TRPM1: variants seen among roughly 807,000 people sequenced by gnomAD.
The protein encoded by TRPM1 is transient receptor potential cation channel subfamily M member 1.
Under a neutral mutation model 149.4 loss-of-function variants are expected in TRPM1, and 113 were observed. The observed-to-expected ratio is 0.76, with a 90% confidence interval of 0.65 to 0.88. TRPM1 has a LOEUF of 0.88. TRPM1 is among the 40% of genes least tolerant of loss of function. The pLI is 0.00. For missense variants in TRPM1, 1,976 were observed against 2,038.7 expected (o/e 0.97, Z 0.59); for synonymous variants, 741 against 759.5 (o/e 0.98, Z 0.40).
Position 31,047,901 on chromosome 15 carries a change from C to T in TRPM1, c.1611G>A (p.Arg537=). 1.9e-6 allele frequency: 3 copies of T among 1,613,550 alleles called. No homozygotes were observed. Among genetic ancestry groups the T allele is most frequent in the Non-Finnish European group, 2.5e-6 (3 of 1,179,452 alleles). ...ACAGTAGACTGACCTTTTTCACATC[C>T]CTCACCAGCAGATGAAGTGTGTTTG... ...GPPNTLHLLV[R]DVKKSNLPPD... Residue 537 remains arginine, a synonymous_variant, in exon 14 of 28, where the codon AGG becomes AGA. Coordinates refer to ENST00000256552, the MANE Select transcript of TRPM1 (RefSeq NM_001252024.2).
chr15:31,041,397 A>T (rs962789156), intron 17 of TRPM1, among the ~76,000 whole-genome samples: 1 of 152,040 alleles, frequency 6.6e-6, no homozygotes, highest in Non-Finnish European at 1.5e-5. Flanking sequence ...TGATCCGCCC[A>T]CCTCGGCCTC....
At chr15:31,084,076 CCTT>C (rs1181996583) in intron 1 of TRPM1, among the ~76,000 whole-genome samples, 1 of 152,178 alleles carries the variant, frequency 6.6e-6, no homozygotes, top group Non-Finnish European at 1.5e-5. Flanking sequence ...GGGTTTCTAG[CCTT>C]CTTCTCTCCC....
intron 1 of TRPM1, among the ~76,000 whole-genome samples, chr15:31,110,006 AAAACCTTCCTTTTCAAAGTCT>A (rs1465401548): frequency 1.1e-4 from 16 of 152,346 alleles, no homozygotes; most frequent in African/African-American, 3.8e-4. Flanking sequence ...CTCTGATCCA[AAAACCTTCCTTTTCAAAGTCT>A]TATTTGAAGT....
intron 3 of TRPM1, among the ~76,000 whole-genome samples, chr15:31,071,595 C>T (rs2034540867): frequency 6.6e-6 from 1 of 151,804 alleles, no homozygotes; most frequent in Non-Finnish European, 1.5e-5. Context: ...CTCCCTCACT[C>T]CCTCCCTCTT....
At chr15:31,016,990 A>ACAC (rs1566990393) in intron 27 of TRPM1, among the ~76,000 whole-genome samples, 133 of 103,674 alleles carry the variant, frequency 1.3e-3, no homozygotes, top group Middle Eastern at 5.1e-3. Context: ...CACACACACA[A>ACAC]AAAAAAAACT....
intron 27 of TRPM1, among the ~76,000 whole-genome samples, chr15:31,009,547 T>C (rs550037975): frequency 1.3e-5 from 2 of 152,318 alleles, no homozygotes; most frequent in African/African-American, 4.8e-5. Flanking sequence ...TAGTCCTATT[T>C]AGCATTCTCT....
intron 1 of TRPM1, among the ~76,000 whole-genome samples, chr15:31,088,139 A>G (rs2140993232): frequency 6.6e-6 from 1 of 152,302 alleles, no homozygotes; most frequent in South Asian, 2.1e-4. Context: ...AAATGCACCA[A>G]TCAGCACTCT....
chr15:31,109,674 T>C (rs2035658193), intron 1 of TRPM1, among the ~76,000 whole-genome samples: 1 of 146,522 alleles, frequency 6.8e-6, no homozygotes, highest in Non-Finnish European at 1.5e-5. Flanking sequence ...CACTCCAGCC[T>C]GGGCAACAGA....
At chr15:31,034,835 G>A (rs1197363009) in intron 21 of TRPM1, among the ~76,000 whole-genome samples, 1 of 152,212 alleles carries the variant, frequency 6.6e-6, no homozygotes, top group African/African-American at 2.4e-5. Flanking sequence ...ATTTGCTGAT[G>A]CTTTCCTATG....
intron 1 of TRPM1, among the ~76,000 whole-genome samples, chr15:31,119,388 AC>A (rs1234118728): frequency 6.6e-6 from 1 of 152,140 alleles, no homozygotes; most frequent in Non-Finnish European, 1.5e-5. Context: ...CAAACCAACA[AC>A]CTAGATTCTG....
At position 31,038,053 on chromosome 15, in the gene TRPM1, C is replaced by G; in HGVS notation, c.2430G>C (p.Glu810Asp). The change falls in exon 19 of 28, where the codon GAG becomes GAC. Residue 810 changes from glutamate to aspartate, a missense_variant. This residue lies in a region of TRPM1 where 1,332 missense variants were observed against 1,347.1 expected (regional missense o/e 0.99). Transcript: ENST00000256552. ...KENEDGKEKE[E>D]ENTDANADAG... ...CAAGTGTGTCACTGACCGTATTTTCCTCTTCTTTTTCTTTGCCATCCTCAT... is the reference window on the plus strand; with the variant it reads ...CAAGTGTGTCACTGACCGTATTTTCGTCTTCTTTTTCTTTGCCATCCTCAT... The G allele has an allele frequency of 6.2e-7, 1 of 1,614,172 alleles. No individual in the cohort carries two copies. Among genetic ancestry groups the G allele is most frequent in the East Asian group, 2.2e-5 (1 of 44,886 alleles).
At chr15:31,068,148 A>G in intron 4 of TRPM1, 56 bp from the exon 5 acceptor site, 2 of 1,485,802 alleles carry the variant, frequency 1.3e-6, no homozygotes, top group Non-Finnish European at 1.9e-6. Flanking sequence ...TCTCGTGTCA[A>G]AGGGGAGTGA....
chr15:31,092,166 C>T (rs1174311001), intron 1 of TRPM1, among the ~76,000 whole-genome samples: 1 of 151,940 alleles, frequency 6.6e-6, no homozygotes, highest in Non-Finnish European at 1.5e-5. Context: ...GAGGATTGGT[C>T]CAGGCAGGAG....
chr15:31,031,450 T>G (rs2140909933), intron 22 of TRPM1: 3 of 483,540 alleles, frequency 6.2e-6, no homozygotes, highest in East Asian at 3.5e-5. Flanking sequence ...CAACTGCAAA[T>G]GGAGAAAGGG....
intron 1 of TRPM1, among the ~76,000 whole-genome samples, chr15:31,111,274 C>T (rs56880154): frequency 0.068 from 10,394 of 152,230 alleles, 1,215 homozygotes; most frequent in African/African-American, 0.24. Context: ...ACTAACTGCA[C>T]GTAAGAAGCC....
At chr15:31,149,502 C>A (rs1161264383) in intron 1 of TRPM1, among the ~76,000 whole-genome samples, 1 of 151,122 alleles carries the variant, frequency 6.6e-6, no homozygotes, top group East Asian at 1.9e-4. Context: ...GCTGCTATAG[C>A]TCGTCATGTG....
intron 1 of TRPM1, among the ~76,000 whole-genome samples, chr15:31,143,262 T>A (rs1206377727): frequency 6.6e-6 from 1 of 152,236 alleles, no homozygotes; most frequent in Non-Finnish European, 1.5e-5. Context: ...TTTGTGAAAC[T>A]GCTGAGATCA....
chr15:31,036,529 A>G (rs1334185911), intron 20 of TRPM1, among the ~76,000 whole-genome samples: 3 of 152,118 alleles, frequency 2.0e-5, no homozygotes, highest in African/African-American at 7.2e-5. Context: ...CACTCTTTGA[A>G]GAAAGATTAG....
intron 27 of TRPM1, among the ~76,000 whole-genome samples, chr15:31,004,839 C>T (rs952689703): frequency 1.1e-4 from 16 of 152,130 alleles, no homozygotes; most frequent in African/African-American, 3.9e-4. Flanking sequence ...CAGTGGCTCA[C>T]ACCTGTAATC....
Sources: allele counts gnomAD v4.1 joint callset (sites outside exome capture counted in the v4.1 genomes callset), GRCh38; gene constraint gnomAD v4.1.1; regional missense constraint gnomAD v4.1.1; transcripts MANE v1.5; gene names NCBI Gene and HGNC (gene_info 2026-07-23, HGNC 2026-07-21).